LRRC4C: variants seen among roughly 807,000 people sequenced by gnomAD.
LRRC4C encodes the protein leucine rich repeat containing 4C.
In LRRC4C, 5 loss-of-function variants were observed where a neutral mutation model predicts 33.6. That is an observed-to-expected ratio of 0.15 (90% confidence interval 0.08 to 0.31). The LOEUF (loss-of-function observed/expected upper bound fraction) is 0.31. Ranked by LOEUF, LRRC4C falls within the 10% of genes least tolerant of loss-of-function variation. The pLI is 1.00. For missense variants in LRRC4C, 560 were observed against 796.7 expected (o/e 0.70, Z 3.58); for synonymous variants, 329 against 302.0 (o/e 1.09, Z -0.93).
chr11:41,148,522 C>A (rs1239767380), intron 1 of LRRC4C, among the ~76,000 whole-genome samples: 1 of 151,968 alleles, frequency 6.6e-6, no homozygotes, highest in Non-Finnish European at 1.5e-5. Context: ...CTTCAATAGC[C>A]AGAAAAATCT....
intron 2 of LRRC4C, among the ~76,000 whole-genome samples, chr11:40,776,539 T>G (rs1950003577): frequency 6.6e-6 from 1 of 152,160 alleles, no homozygotes; most frequent in African/African-American, 2.4e-5. Context: ...TAATAGTCTC[T>G]GATTATCTTT....
chr11:40,841,327 G>T (rs1952902441), intron 2 of LRRC4C, among the ~76,000 whole-genome samples: 1 of 152,044 alleles, frequency 6.6e-6, no homozygotes, highest in African/African-American at 2.4e-5. Context: ...GGCTTGTCAT[G>T]GTCAGTGTTA....
intron 1 of LRRC4C, among the ~76,000 whole-genome samples, chr11:41,330,830 C>T (rs1261584171): frequency 6.6e-6 from 1 of 151,828 alleles, no homozygotes; most frequent in Non-Finnish European, 1.5e-5. Context: ...CACTAGTCCC[C>T]AATCTTATCT....
chr11:41,147,013 T>C (rs879875411), intron 1 of LRRC4C, among the ~76,000 whole-genome samples: 1 of 152,250 alleles, frequency 6.6e-6, no homozygotes, highest in Non-Finnish European at 1.5e-5. Flanking sequence ...AGATCATGAA[T>C]GATTCCAGTT....
intron 1 of LRRC4C, among the ~76,000 whole-genome samples, chr11:41,250,783 C>A (rs1948613133): frequency 6.6e-6 from 1 of 152,138 alleles, no homozygotes; most frequent in African/African-American, 2.4e-5. Context: ...AAAATGCAAG[C>A]CAATCTGTTT....
At chr11:40,882,750 T>A (rs1001513774) in intron 2 of LRRC4C, among the ~76,000 whole-genome samples, 1 of 152,136 alleles carries the variant, frequency 6.6e-6, no homozygotes, top group Non-Finnish European at 1.5e-5. Context: ...CATACTGACC[T>A]TCATTTTCTT....
At chr11:41,389,055 G>GA (rs1354935016) in intron 1 of LRRC4C, among the ~76,000 whole-genome samples, 1 of 151,512 alleles carries the variant, frequency 6.6e-6, no homozygotes, top group Non-Finnish European at 1.5e-5. Flanking sequence ...ATTTTAAAAA[G>GA]AAAAAAATAA....
intron 3 of LRRC4C, among the ~76,000 whole-genome samples, chr11:40,477,801 CACTT>C (rs1406604718): frequency 3.3e-5 from 5 of 152,250 alleles, no homozygotes; most frequent in African/African-American, 1.2e-4. Flanking sequence ...CTTGGTTTGA[CACTT>C]ACTGTGTGAC....
chr11:40,730,778 T>C (rs1947528726), intron 2 of LRRC4C, among the ~76,000 whole-genome samples: 1 of 152,252 alleles, frequency 6.6e-6, no homozygotes, highest in Non-Finnish European at 1.5e-5. Context: ...ACCTTCATTC[T>C]GAGTGCCTTC....
intron 2 of LRRC4C, among the ~76,000 whole-genome samples, chr11:40,785,472 G>A (rs1427939598): frequency 1.3e-5 from 2 of 152,070 alleles, no homozygotes; most frequent in Non-Finnish European, 2.9e-5. Flanking sequence ...GCATCTCTTG[G>A]TTATAGTTTA....
Position 40,164,702 on chromosome 11 carries a change from A to G in LRRC4C, c.-95-23849T>C, listed in dbSNP as rs191917175. Among the ~76,000 whole-genome samples, 23 of 152,316 alleles carry G rather than the reference A, an allele frequency of 1.5e-4. No individual in the cohort carries two copies. In the East Asian group the frequency reaches 4.4e-3, roughly 29 times the overall value. ...GAATGATAGATACCAGAGGCAGGGA[A>G]GGGGGTCGGGGACGATTCTATATTT... On this transcript the variant is annotated intron_variant, in intron 5 of 6. Transcript: ENST00000528697.
At chr11:40,501,097 T>A (rs577219542) in intron 3 of LRRC4C, among the ~76,000 whole-genome samples, 109 of 151,290 alleles carry the variant, frequency 7.2e-4, no homozygotes, top group Non-Finnish European at 1.4e-3. Context: ...CAAAATGATC[T>A]CCTTTGATTT....
chr11:41,053,703 A>T (rs1858419722), intron 1 of LRRC4C, among the ~76,000 whole-genome samples: 1 of 152,206 alleles, frequency 6.6e-6, no homozygotes, highest in Non-Finnish European at 1.5e-5. Context: ...GTATTGAGTT[A>T]CTAAAACCAA....
At chr11:40,211,405 T>C (rs988187210) in intron 5 of LRRC4C, among the ~76,000 whole-genome samples, 3 of 152,112 alleles carry the variant, frequency 2.0e-5, no homozygotes, top group Non-Finnish European at 4.4e-5. Flanking sequence ...TTAAAAAAAC[T>C]TGAATAAAAC....
chr11:40,639,950 T>G (rs1942008307), intron 3 of LRRC4C, among the ~76,000 whole-genome samples: 1 of 151,632 alleles, frequency 6.6e-6, no homozygotes, highest in African/African-American at 2.4e-5. Context: ...TTCAAAAGGT[T>G]CTTCAGCTCC....
At chr11:41,100,043 C>A (rs1941071747) in intron 1 of LRRC4C, among the ~76,000 whole-genome samples, 1 of 152,086 alleles carries the variant, frequency 6.6e-6, no homozygotes, top group Non-Finnish European at 1.5e-5. Flanking sequence ...TATTCCTATG[C>A]AACAACCATA....
chr11:41,295,015 G>C (rs1950098024), intron 1 of LRRC4C, among the ~76,000 whole-genome samples: 1 of 152,082 alleles, frequency 6.6e-6, no homozygotes, highest in Non-Finnish European at 1.5e-5. Flanking sequence ...CTTACACACG[G>C]TTGTTATTGT....
chr11:41,452,016 T>TAAATG (rs1956042954), intron 1 of LRRC4C, among the ~76,000 whole-genome samples: 4 of 152,130 alleles, frequency 2.6e-5, no homozygotes, highest in Admixed American at 2.6e-4. Context: ...AGAGTATGCC[T>TAAATG]TTATTAGATT....
chr11:40,789,456 A>T (rs1950545067), intron 2 of LRRC4C, among the ~76,000 whole-genome samples: 1 of 152,168 alleles, frequency 6.6e-6, no homozygotes, highest in African/African-American at 2.4e-5. Flanking sequence ...AATTAAAAAA[A>T]TTATAACTTA....
Sources: allele counts gnomAD v4.1 joint callset (sites outside exome capture counted in the v4.1 genomes callset), GRCh38; gene constraint gnomAD v4.1.1; transcripts MANE v1.5; gene names NCBI Gene and HGNC (gene_info 2026-07-23, HGNC 2026-07-21).